Variants in PARPBP observed in about 807,000 individuals in gnomAD.
The protein encoded by PARPBP is PCNA-interacting partner.
PARPBP carries 52 observed loss-of-function variants against 50.0 expected under a neutral mutation model. That is an observed-to-expected ratio of 1.04 (90% CI 0.83 to 1.31). The LOEUF is 1.31. PARPBP is among the 50% of genes most tolerant of loss of function. PARPBP has a pLI of 0.00. For synonymous variants in PARPBP, 244 were observed against 232.1 expected (o/e 1.05, Z -0.47); for missense variants, 697 against 672.0 (o/e 1.04, Z -0.41).
intron 6 of PARPBP, among the ~76,000 whole-genome samples, chr12:102,166,818 G>C (rs952411015): frequency 6.6e-6 from 1 of 152,038 alleles, no homozygotes; most frequent in Admixed American, 6.6e-5. Flanking sequence ...ATTGCAGTCT[G>C]TCTTCTCATA....
At chr12:102,149,954 A>G (rs1429933715) in intron 3 of PARPBP, among the ~76,000 whole-genome samples, 2 of 152,240 alleles carry the variant, frequency 1.3e-5, no homozygotes, top group Admixed American at 1.3e-4. Context: ...ATTGTAGGAC[A>G]ACAAAGATCT....
chr12:102,176,383 A>G (rs1889283385), intron 7 of PARPBP, among the ~76,000 whole-genome samples: 1 of 152,224 alleles, frequency 6.6e-6, no homozygotes, highest in Non-Finnish European at 1.5e-5. Context: ...TATTAGGACA[A>G]CAACAGTCCT....
chr12:102,172,247 GAATAGCCAT>G (rs754170968), intron 6 of PARPBP, among the ~76,000 whole-genome samples: 26 of 152,098 alleles, frequency 1.7e-4, no homozygotes, highest in Non-Finnish European at 1.5e-5. Context: ...TGTTTATCCA[GAATAGCCAT>G]AATATATCTT....
chr12:102,172,211 C>T (rs911692004), intron 6 of PARPBP, among the ~76,000 whole-genome samples: 5 of 152,178 alleles, frequency 3.3e-5, no homozygotes, highest in Non-Finnish European at 7.3e-5. Flanking sequence ...CAGTTTGCCT[C>T]TTTCTCATCT....
intron 9 of PARPBP, among the ~76,000 whole-genome samples, chr12:102,189,522 TAAAC>T (rs899522117): frequency 9.2e-5 from 14 of 152,202 alleles, no homozygotes; most frequent in Admixed American, 3.3e-4. Context: ...GCTAGCACAT[TAAAC>T]AATGCAGTTC....
chr12:102,175,037 A>T (rs1245994886), intron 6 of PARPBP, among the ~76,000 whole-genome samples: 1 of 152,152 alleles, frequency 6.6e-6, no homozygotes, highest in African/African-American at 2.4e-5. Context: ...CCTTTGTGGG[A>T]CTCAAATTTT....
In PARPBP at chr12:102,139,389, C is replaced by T. The variant is rs567149652; in HGVS notation, c.154-8841C>T. Among the ~76,000 whole-genome samples, 95 of 152,256 alleles carry T rather than the reference C, an allele frequency of 6.2e-4. 1 individual carries two copies. Among genetic ancestry groups the T allele is most frequent in the Admixed American group, 9.8e-4 (15 of 15,276 alleles). On this transcript the variant is annotated intron_variant, in intron 2 of 10. Transcript: ENST00000327680. ...AGCTTAAGGAGATTTTGGGCTGAGA[C>T]GATGGGGTTTTCTAAATATACAATA...
chr12:102,175,365 T>C, intron 6 of PARPBP, 118 bp from the exon 7 acceptor site: 1 of 585,366 alleles, frequency 1.7e-6, no homozygotes, highest in Non-Finnish European at 2.8e-6. Flanking sequence ...CTGTTTGATA[T>C]ATAAGATCAA....
At chr12:102,135,322 A>G (rs1883460068) in intron 2 of PARPBP, among the ~76,000 whole-genome samples, 1 of 152,012 alleles carries the variant, frequency 6.6e-6, no homozygotes, top group Non-Finnish European at 1.5e-5. Flanking sequence ...AGGTGGGTGG[A>G]TCACTAGGTC....
chr12:102,151,776 G>A (rs1399796162), intron 3 of PARPBP: 1 of 1,535,504 alleles, frequency 6.5e-7, no homozygotes, highest in Non-Finnish European at 8.7e-7. Context: ...GAGACCTGAA[G>A]AAGCTGGCAG....
chr12:102,162,892 G>C (rs765558288), intron 4 of PARPBP, among the ~76,000 whole-genome samples: 1 of 150,040 alleles, frequency 6.7e-6, no homozygotes, highest in Non-Finnish European at 1.5e-5. Flanking sequence ...TTTTCTCATT[G>C]TGCTTCTGGT....
chr12:102,120,247 G>A lies in PARPBP; in HGVS notation c.-43G>A, dbSNP rs1009210260. On this transcript the variant is annotated 5_prime_UTR_variant, in exon 1 of 11. Coordinates refer to ENST00000327680, the MANE Select transcript of PARPBP (RefSeq NM_017915.5). ...AGGGCATCCCGTTGGGGATCCTTCC[G>A]CACACTGAAGAGTACGTCTTCGGGT... 4.1e-6 allele frequency: 1 copy of A among 246,634 alleles called. No individual in the cohort carries two copies. Among genetic ancestry groups the A allele is most frequent in the Non-Finnish European group, 8.6e-6 (1 of 116,436 alleles). 15.3% of individuals were successfully genotyped at this position (246,634 alleles called of 1,614,324 possible). A position where few individuals can be genotyped will look rare whatever the true frequency, so the allele number is the denominator to read the frequency against.
chr12:102,170,154 C>G (rs2136390117), intron 6 of PARPBP, among the ~76,000 whole-genome samples: 1 of 152,312 alleles, frequency 6.6e-6, no homozygotes, highest in East Asian at 1.9e-4. Context: ...TGAAAGATGT[C>G]TTAAATGAGA....
chr12:102,158,533 C>G (rs949412317), intron 4 of PARPBP, among the ~76,000 whole-genome samples: 1 of 152,198 alleles, frequency 6.6e-6, no homozygotes, highest in Non-Finnish European at 1.5e-5. Context: ...ATATCCCAAG[C>G]CCACCTTGAA....
intron 2 of PARPBP, among the ~76,000 whole-genome samples, chr12:102,143,638 T>C (rs1399742469): frequency 6.6e-6 from 1 of 152,202 alleles, no homozygotes; most frequent in African/African-American, 2.4e-5. Flanking sequence ...GTAACCTTTA[T>C]AGATTCATTG....
At position 102,165,825 on chromosome 12, in the gene PARPBP, A is replaced by T; in HGVS notation, c.763A>T (p.Asn255Tyr). Reference protein sequence around the residue: ...PLRTHVKGLSNFINFIDKLDE... With the variant: ...PLRTHVKGLSYFINFIDKLDE... ...AAGGACACATGTAAAGGGATTGTCTAATTTTATTAATTTCATTGACAAATT... is the reference window on the plus strand; with the variant it reads ...AAGGACACATGTAAAGGGATTGTCTTATTTTATTAATTTCATTGACAAATT... The change falls in exon 6 of 11, where the codon AAT becomes TAT. Residue 255 changes from asparagine to tyrosine, a missense_variant. Transcript: ENST00000327680. 6.3e-7 allele frequency: 1 copy of T among 1,586,872 alleles called. No homozygotes were observed. The highest frequency in any genetic ancestry group is 1.1e-5 in the South Asian group (1 of 90,012).
intron 4 of PARPBP, chr12:102,155,073 C>G (rs879132658): frequency 7.7e-6 from 2 of 258,282 alleles, no homozygotes; most frequent in African/African-American, 2.3e-5. Flanking sequence ...CCTATAAGCC[C>G]CATTTCAAGG....
At chr12:102,130,113 A>C (rs1055392776) in intron 2 of PARPBP, among the ~76,000 whole-genome samples, 1 of 152,192 alleles carries the variant, frequency 6.6e-6, no homozygotes, top group Non-Finnish European at 1.5e-5. Context: ...TCTGATCTTC[A>C]ACAAAGCTGA....
chr12:102,163,849 A>G (rs1478595488), intron 4 of PARPBP, among the ~76,000 whole-genome samples: 2 of 152,280 alleles, frequency 1.3e-5, no homozygotes, highest in South Asian at 2.1e-4. Flanking sequence ...TTCATTGAAC[A>G]TATTTCCTGT....
Sources: gnomAD v4.1 joint callset for allele counts (sites outside exome capture counted in the v4.1 genomes callset) on GRCh38, gnomAD v4.1.1 for gene constraint, MANE v1.5 for transcripts, NCBI Gene and HGNC (gene_info 2026-07-23, HGNC 2026-07-21) for gene names.